The following ENTHD1 variants were observed in gnomAD, a reference collection of about 807,000 sequenced individuals.
ENTHD1 encodes the protein ENTH domain containing 1.
In ENTHD1, 23 loss-of-function variants were observed where a neutral mutation model predicts 39.1. The ratio of observed to expected loss-of-function variants is 0.59; its 90% confidence interval spans 0.42 to 0.83. The LOEUF is 0.83. Among genes scored for constraint, ENTHD1 ranks in the 40% least tolerant of loss-of-function variants. ENTHD1 has a pLI of 0.00. For synonymous variants in ENTHD1, 230 were observed against 258.2 expected (o/e 0.89, Z 1.05); for missense variants, 624 against 705.4 (o/e 0.88, Z 1.31).
chr22:39,807,585 G>GCCCACTCCTCCTGTTCCTCCCA lies in ENTHD1; in HGVS notation c.832+13386_832+13407dup, dbSNP rs548837124. On this transcript the variant is annotated intron_variant, in intron 5 of 6. Coordinates refer to ENST00000325157, the MANE Select transcript of ENTHD1 (RefSeq NM_152512.4). Reference sequence around the variant, plus strand: ...TCTCCCAACTGGCCAAGTCTCTCTTGCCCACTCCTCCTGTTCCTCCCACCC... The same window carrying GCCCACTCCTCCTGTTCCTCCCA: ...TCTCCCAACTGGCCAAGTCTCTCTTGCCCACTCCTCCTGTTCCTCCCACCCACTCCTCCTGTTCCTCCCACCC... Among the ~76,000 whole-genome samples, 515 of 152,140 alleles carry GCCCACTCCTCCTGTTCCTCCCA rather than the reference G, an allele frequency of 3.4e-3. 2 individuals are homozygous for GCCCACTCCTCCTGTTCCTCCCA. Among genetic ancestry groups the GCCCACTCCTCCTGTTCCTCCCA allele is most frequent in the African/African-American group, 0.012 (494 of 41,476 alleles).
chr22:39,854,322 C>T (rs958778001), intron 3 of ENTHD1, among the ~76,000 whole-genome samples: 3 of 152,140 alleles, frequency 2.0e-5, no homozygotes, highest in African/African-American at 7.2e-5. Flanking sequence ...TGATAGTTTT[C>T]AGGGAAATTT....
chr22:39,811,712 G>A (rs2065687536), intron 5 of ENTHD1, among the ~76,000 whole-genome samples: 1 of 152,104 alleles, frequency 6.6e-6, no homozygotes, highest in Non-Finnish European at 1.5e-5. Context: ...GGGTGTGATG[G>A]CTCACGCCTG....
At chr22:39,767,485 A>G (rs1020488195) in intron 5 of ENTHD1, among the ~76,000 whole-genome samples, 8 of 152,000 alleles carry the variant, frequency 5.3e-5, no homozygotes, top group African/African-American at 1.9e-4. Flanking sequence ...AACAAAACAA[A>G]ACACCCAAAC....
chr22:39,831,416 G>A (rs1244345763), intron 4 of ENTHD1, among the ~76,000 whole-genome samples: 2 of 152,058 alleles, frequency 1.3e-5, no homozygotes, highest in African/African-American at 4.8e-5. Context: ...AGGACACAGA[G>A]AGAAAGATTA....
At chr22:39,799,116 G>C (rs1470816046) in intron 5 of ENTHD1, among the ~76,000 whole-genome samples, 1 of 152,224 alleles carries the variant, frequency 6.6e-6, no homozygotes, top group African/African-American at 2.4e-5. Context: ...ACTGGCTGTA[G>C]TGGGGTGATC....
chr22:39,798,280 A>G (rs1432756513), intron 5 of ENTHD1, among the ~76,000 whole-genome samples: 1 of 151,792 alleles, frequency 6.6e-6, no homozygotes, highest in Non-Finnish European at 1.5e-5. Context: ...TTTCACTTCT[A>G]GGATTTTGGT....
At chr22:39,859,550 T>G (rs942251565) in intron 3 of ENTHD1, among the ~76,000 whole-genome samples, 1 of 152,136 alleles carries the variant, frequency 6.6e-6, no homozygotes, top group Non-Finnish European at 1.5e-5. Flanking sequence ...TCAATATTGT[T>G]GACCCTCAGG....
chr22:39,881,742 T>C (rs779398135), intron 2 of ENTHD1, among the ~76,000 whole-genome samples: 7 of 152,110 alleles, frequency 4.6e-5, no homozygotes, highest in Non-Finnish European at 1.0e-4. Context: ...CCAGGGCATA[T>C]CAGTACAACA....
Position 39,868,463 on chromosome 22 carries a change from G to A in ENTHD1, c.350-6456C>T, listed in dbSNP as rs539504014. Among the ~76,000 whole-genome samples the A allele has an allele frequency of 3.3e-5, 5 of 151,506 alleles. 1 individual carries two copies. Among genetic ancestry groups the A allele is most frequent in the African/African-American group, 9.7e-5 (4 of 41,246 alleles). ...AAAATACACATTTTTAAAATCTAACGCTAAGAAAGTCAGCCAATGAAATCA... is the reference window on the plus strand; with the variant it reads ...AAAATACACATTTTTAAAATCTAACACTAAGAAAGTCAGCCAATGAAATCA... On this transcript the variant is annotated intron_variant, in intron 2 of 6. Coordinates refer to ENST00000325157, the MANE Select transcript of ENTHD1 (RefSeq NM_152512.4).
Position 39,743,623 on chromosome 22 carries a change from T to C in ENTHD1, c.*56A>G, listed in dbSNP as rs1328263263. The C allele has an allele frequency of 2.0e-6, 3 of 1,513,868 alleles. No individual in the cohort carries two copies. Among genetic ancestry groups the C allele is most frequent in the Non-Finnish European group, 2.6e-6 (3 of 1,134,066 alleles). The allele number at this position is 1,513,868 out of a possible 1,614,324, so 93.8% of individuals were successfully genotyped here. A position where few individuals can be genotyped will look rare whatever the true frequency, so the allele number is the denominator to read the frequency against. On this transcript the variant is annotated 3_prime_UTR_variant, in exon 7 of 7. Transcript: ENST00000325157. ...AATATGAATTTATACAATGCTAACG[T>C]AAGTCTTGGGGAAGTGGAACCACAC...
intron 4 of ENTHD1, among the ~76,000 whole-genome samples, chr22:39,826,247 G>C (rs545619293): frequency 6.6e-6 from 1 of 152,054 alleles, no homozygotes; most frequent in Non-Finnish European, 1.5e-5. Context: ...GTTATCTCTT[G>C]TCTCATCCTG....
chr22:39,784,255 G>C (rs1031743360), intron 5 of ENTHD1, among the ~76,000 whole-genome samples: 2 of 152,142 alleles, frequency 1.3e-5, no homozygotes, highest in Non-Finnish European at 2.9e-5. Context: ...ATGAGCGCTG[G>C]TGAGAATGTG....
At chr22:39,852,963 T>C (rs1337757164) in intron 3 of ENTHD1, among the ~76,000 whole-genome samples, 1 of 152,188 alleles carries the variant, frequency 6.6e-6, no homozygotes, top group Non-Finnish European at 1.5e-5. Flanking sequence ...CCACAGTTTG[T>C]ACCATTAGCC....
intron 2 of ENTHD1, among the ~76,000 whole-genome samples, chr22:39,878,644 A>G (rs2146760122): frequency 6.6e-6 from 1 of 152,306 alleles, no homozygotes; most frequent in South Asian, 2.1e-4. Context: ...ACAAAAATTG[A>G]GGGAATTTGT....
rs1368405402 is a variant in ENTHD1 at position 39,864,709 on chromosome 22, T to C, written c.350-2702A>G. Among the ~76,000 whole-genome samples, 7 of 151,978 alleles carry C rather than the reference T, an allele frequency of 4.6e-5. No individual in the cohort carries two copies. The East Asian group carries it at 5.8e-4, about 13-fold the overall frequency. ...GAGTTTGAGACCAGCCTGGGCAACA[T>C]GGTGAAACCCTGTCTCTACTACAAA... On this transcript the variant is annotated intron_variant, in intron 2 of 6. Transcript: ENST00000325157.
chr22:39,766,991 GT>G (rs1210742177), intron 5 of ENTHD1, among the ~76,000 whole-genome samples: 3 of 151,920 alleles, frequency 2.0e-5, no homozygotes, highest in Non-Finnish European at 4.4e-5. Context: ...ATCTTCACAT[GT>G]CCTGTTTGAA....
intron 5 of ENTHD1, among the ~76,000 whole-genome samples, chr22:39,795,830 T>C (rs539901825): frequency 1.1e-4 from 16 of 152,276 alleles, no homozygotes; most frequent in African/African-American, 3.9e-4. Context: ...ATTTATCCAT[T>C]TCCTCTAGGT....
At chr22:39,883,991 G>A (rs1009613506) in intron 2 of ENTHD1, among the ~76,000 whole-genome samples, 2 of 151,012 alleles carry the variant, frequency 1.3e-5, no homozygotes, top group Non-Finnish European at 2.9e-5. Flanking sequence ...AAAAACTTAA[G>A]ACATGAAAGA....
chr22:39,799,274 T>C (rs1056729588), intron 5 of ENTHD1, among the ~76,000 whole-genome samples: 1 of 152,172 alleles, frequency 6.6e-6, no homozygotes, highest in Non-Finnish European at 1.5e-5. Flanking sequence ...GTTTCAGCCA[T>C]AGGCAGGTAG....
Sources: gnomAD v4.1 joint callset for allele counts (sites outside exome capture counted in the v4.1 genomes callset) on GRCh38, gnomAD v4.1.1 for gene constraint, MANE v1.5 for transcripts, NCBI Gene and HGNC (gene_info 2026-07-23, HGNC 2026-07-21) for gene names.